TLE4: variants seen among roughly 807,000 people sequenced by gnomAD.
TLE4 encodes the protein transducin-like enhancer protein 4.
TLE4 carries 8 observed loss-of-function variants against 92.8 expected under a neutral mutation model. The ratio of observed to expected loss-of-function variants is 0.09; its 90% CI spans 0.05 to 0.16. The LOEUF is 0.16. TLE4 is among the 10% of genes least tolerant of loss of function. TLE4 has a pLI of 1.00. For missense variants in TLE4, 675 were observed against 997.6 expected (o/e 0.68, Z 4.36); for synonymous variants, 371 against 374.1 (o/e 0.99, Z 0.10).
chr9:79,677,964 T>C (rs2063596179), intron 8 of TLE4, among the ~76,000 whole-genome samples: 4 of 152,190 alleles, frequency 2.6e-5, no homozygotes. Context: ...TTTTGAATGC[T>C]TCTTTATGTA....
At chr9:79,585,348 G>A (rs940410490) in intron 4 of TLE4, among the ~76,000 whole-genome samples, 1 of 152,134 alleles carries the variant, frequency 6.6e-6, no homozygotes, top group African/African-American at 2.4e-5. Context: ...TAGATCTTGG[G>A]TTTGACTCAA....
At chr9:79,716,267 T>G (rs553083292) in intron 14 of TLE4, among the ~76,000 whole-genome samples, 6 of 152,330 alleles carry the variant, frequency 3.9e-5, no homozygotes, top group Admixed American at 1.3e-4. Flanking sequence ...TTGCATTTGT[T>G]GTTCCCTCTG....
intron 6 of TLE4, among the ~76,000 whole-genome samples, chr9:79,635,876 A>G (rs1436568611): frequency 6.6e-6 from 1 of 152,120 alleles, no homozygotes; most frequent in Non-Finnish European, 1.5e-5. Context: ...TCATCAGTAT[A>G]CTAAAGACTG....
chr9:79,597,391 A>T (rs150188985), intron 4 of TLE4, among the ~76,000 whole-genome samples: 2 of 152,290 alleles, frequency 1.3e-5, no homozygotes, highest in Admixed American at 1.3e-4. Context: ...AGTATTTCCA[A>T]TATGGCTCTG....
intron 4 of TLE4, among the ~76,000 whole-genome samples, chr9:79,604,652 A>G (rs2046401652): frequency 6.6e-6 from 1 of 152,188 alleles, no homozygotes; most frequent in Admixed American, 6.5e-5. Context: ...AGGAAGCTTT[A>G]GCCTCGCCTG....
chr9:79,631,616 A>ATATG (rs775644348), intron 6 of TLE4, among the ~76,000 whole-genome samples: 1 of 118,162 alleles, frequency 8.5e-6, no homozygotes, highest in South Asian at 3.6e-4. Context: ...TGAACCTTAA[A>ATATG]TGTGTGTGTG....
At chr9:79,617,274 A>G (rs1364438511) in intron 5 of TLE4, among the ~76,000 whole-genome samples, 4 of 151,870 alleles carry the variant, frequency 2.6e-5, no homozygotes, top group African/African-American at 9.7e-5. Context: ...TAAGTAAACC[A>G]GTAGGTATTT....
intron 6 of TLE4, among the ~76,000 whole-genome samples, chr9:79,637,032 A>G (rs957801549): frequency 9.2e-6 from 1 of 108,938 alleles, no homozygotes; most frequent in Admixed American, 8.2e-5. Context: ...TTTCACTTAT[A>G]GTATGATATT....
intron 4 of TLE4, among the ~76,000 whole-genome samples, chr9:79,611,113 C>G (rs76819840): frequency 1.3e-5 from 2 of 152,038 alleles, no homozygotes; most frequent in Non-Finnish European, 2.9e-5. Flanking sequence ...GTGAATGCTA[C>G]TCTATTTTTA....
chr9:79,650,972 C>T (rs969093159), intron 6 of TLE4, among the ~76,000 whole-genome samples: 9 of 150,328 alleles, frequency 6.0e-5, no homozygotes, highest in African/African-American at 1.7e-4. Context: ...AAAAGGTCCA[C>T]TTTTTTTCTC....
intron 8 of TLE4, among the ~76,000 whole-genome samples, chr9:79,689,327 G>GTT (rs78898388): frequency 1.6e-4 from 23 of 144,650 alleles, no homozygotes; most frequent in African/African-American, 5.5e-4. Flanking sequence ...TTTTATTGTT[G>GTT]TTTTTTTTTT....
intron 6 of TLE4, chr9:79,649,883 TTTGTTGTTG>T: frequency 1.5e-6 from 2 of 1,347,188 alleles, no homozygotes; most frequent in African/African-American, 3.0e-5. Flanking sequence ...CTGAGGGCTT[TTTGTTGTTG>T]TTGTTGTTGT....
chr9:79,671,387 G>A (rs927474037), intron 8 of TLE4: 3 of 389,528 alleles, frequency 7.7e-6, no homozygotes, highest in African/African-American at 4.1e-5. Context: ...GTGGCCCGAG[G>A]ACTGTGATCT....
At chr9:79,685,075 G>A (rs1318023919) in intron 8 of TLE4, among the ~76,000 whole-genome samples, 2 of 152,136 alleles carry the variant, frequency 1.3e-5, no homozygotes, top group Non-Finnish European at 2.9e-5. Context: ...TAGAACCGTG[G>A]CAGCCTTACC....
intron 5 of TLE4, among the ~76,000 whole-genome samples, chr9:79,622,965 A>G (rs2051412774): frequency 6.6e-6 from 1 of 152,084 alleles, no homozygotes; most frequent in South Asian, 2.1e-4. Flanking sequence ...ATCCTAGTTT[A>G]TTTTGTTTCA....
At chr9:79,616,342 C>T (rs567638265) in intron 5 of TLE4, among the ~76,000 whole-genome samples, 3 of 152,114 alleles carry the variant, frequency 2.0e-5, no homozygotes, top group African/African-American at 4.8e-5. Context: ...TTAATCATAG[C>T]GTGAAACACA....
At chr9:79,603,411 A>T (rs1348527231) in intron 4 of TLE4, among the ~76,000 whole-genome samples, 2 of 152,160 alleles carry the variant, frequency 1.3e-5, no homozygotes, top group African/African-American at 4.8e-5. Context: ...ATCAGTATTG[A>T]GCCAAAACCC....
intron 18 of TLE4, 66 bp downstream of exon 18, chr9:79,722,667 T>C: frequency 6.4e-7 from 1 of 1,574,030 alleles, no homozygotes; most frequent in Non-Finnish European, 8.6e-7. Context: ...CCTGTGTTTT[T>C]ATTTCCAAGT....
At chr9:79,599,606 G>T (rs1316243530) in intron 4 of TLE4, among the ~76,000 whole-genome samples, 1 of 152,182 alleles carries the variant, frequency 6.6e-6, no homozygotes, top group Non-Finnish European at 1.5e-5. Context: ...CCTTTCCAAA[G>T]ATGTACAACG....
Sources: allele counts gnomAD v4.1 joint callset (sites outside exome capture counted in the v4.1 genomes callset), GRCh38; gene constraint gnomAD v4.1.1; transcripts MANE v1.5; gene names NCBI Gene and HGNC (gene_info 2026-07-23, HGNC 2026-07-21).